The following TJP1 variants were observed in gnomAD, a reference collection of about 807,000 sequenced individuals.
TJP1 encodes the protein tight junction protein 1.
A neutral mutation model predicts 194.2 loss-of-function variants in TJP1; 43 were observed. The ratio of observed to expected loss-of-function variants is 0.22; its 90% CI spans 0.17 to 0.29. The LOEUF is 0.29. Ranked by LOEUF, TJP1 falls within the 10% of genes least tolerant of loss-of-function variation. TJP1 has a pLI of 1.00. For missense variants in TJP1, 1,971 were observed against 2,185.7 expected (o/e 0.90, Z 1.96); for synonymous variants, 801 against 779.0 (o/e 1.03, Z -0.47).
chr15:29,723,800 C>G (rs967985113), intron 18 of TJP1, among the ~76,000 whole-genome samples: 1 of 152,102 alleles, frequency 6.6e-6, no homozygotes, highest in African/African-American at 2.4e-5. Flanking sequence ...CTGAGTAGAT[C>G]AGAAAGAAAG....
chr15:29,826,711 T>A (rs745775286), upstream of TJP1, among the ~76,000 whole-genome samples: 2 of 152,082 alleles, frequency 1.3e-5, no homozygotes, highest in Non-Finnish European at 2.9e-5. Flanking sequence ...TTCAAGCGTC[T>A]TCTAGTGTTT....
intron 2 of TJP1, among the ~76,000 whole-genome samples, chr15:29,938,361 TAATA>T (rs1212111097): frequency 2.0e-5 from 3 of 152,216 alleles, no homozygotes; most frequent in Non-Finnish European, 4.4e-5. Flanking sequence ...GAAACAAAGT[TAATA>T]AATGCTTACA....
intron 2 of TJP1, among the ~76,000 whole-genome samples, chr15:29,951,431 G>A (rs1055661436): frequency 4.6e-5 from 7 of 152,018 alleles, no homozygotes; most frequent in African/African-American, 1.4e-4. Flanking sequence ...GCCTCCCAAA[G>A]TGCTGGGATT....
intron 2 of TJP1, among the ~76,000 whole-genome samples, chr15:29,870,688 T>C (rs1279638208): frequency 2.0e-5 from 3 of 152,272 alleles, no homozygotes; most frequent in African/African-American, 7.2e-5. Flanking sequence ...TGTGCCCTTA[T>C]CAATTCCTGT....
chr15:29,853,661 T>G (rs2051732403), intron 2 of TJP1, among the ~76,000 whole-genome samples: 1 of 152,166 alleles, frequency 6.6e-6, no homozygotes, highest in South Asian at 2.1e-4. Context: ...CTATAAAAAT[T>G]GAATGAGAGG....
At chr15:29,847,733 A>G (rs2051472256) in intron 2 of TJP1, among the ~76,000 whole-genome samples, 1 of 152,060 alleles carries the variant, frequency 6.6e-6, no homozygotes, top group Non-Finnish European at 1.5e-5. Context: ...TGCAGTGAGC[A>G]GAGATCGCGC....
intron 24 of TJP1, among the ~76,000 whole-genome samples, chr15:29,710,100 T>G (rs562216577): frequency 1.3e-4 from 20 of 151,544 alleles, no homozygotes; most frequent in South Asian, 6.3e-4. Flanking sequence ...GAGCTGAGAC[T>G]GCGCCACTGC....
intron 18 of TJP1, among the ~76,000 whole-genome samples, chr15:29,721,147 A>G (rs940746913): frequency 6.6e-6 from 1 of 152,244 alleles, no homozygotes; most frequent in African/African-American, 2.4e-5. Flanking sequence ...CAACAGTTCA[A>G]AAGTTGAATA....
intron 1 of TJP1, among the ~76,000 whole-genome samples, chr15:29,821,767 C>G (rs887637674): frequency 1.3e-5 from 2 of 150,694 alleles, no homozygotes; most frequent in Non-Finnish European, 3.0e-5. Flanking sequence ...GTACGGCGGC[C>G]GGGCGCCCGC....
At chr15:29,917,306 T>C (rs2054217925) in intron 2 of TJP1, among the ~76,000 whole-genome samples, 1 of 152,164 alleles carries the variant, frequency 6.6e-6, no homozygotes, top group Non-Finnish European at 1.5e-5. Context: ...TGTGAGTGGA[T>C]TCAAAAGATT....
chr15:29,738,112 T>C (rs900353092), intron 10 of TJP1, among the ~76,000 whole-genome samples: 6 of 152,166 alleles, frequency 3.9e-5, no homozygotes, highest in Non-Finnish European at 7.3e-5. Context: ...CAGTGTAGTG[T>C]TGAAACCTTG....
In TJP1 at chr15:29,701,483, A is replaced by G; in HGVS notation, c.*112T>C. 1.2e-6 allele frequency: 1 copy of G among 827,534 alleles called. No homozygotes were observed. The allele number at this position is 827,534 out of a possible 1,614,324, so 51.3% of individuals were successfully genotyped here. On this transcript the variant is annotated 3_prime_UTR_variant, in exon 28 of 28. Coordinates refer to ENST00000614355, the MANE Select transcript of TJP1 (RefSeq NM_001330239.4). ...TTATCAGTTCAAACAAATGCCTCAT[A>G]CTAACAAACTGTAGTATCAACTCTA...
At chr15:29,888,187 AT>A (rs1261997720) in intron 2 of TJP1, among the ~76,000 whole-genome samples, 7 of 152,194 alleles carry the variant, frequency 4.6e-5, no homozygotes, top group East Asian at 1.9e-4. Flanking sequence ...ATACAATTTT[AT>A]TTTTTAAATA....
intron 2 of TJP1, among the ~76,000 whole-genome samples, chr15:29,934,542 C>G (rs2054822772): frequency 2.6e-5 from 4 of 152,186 alleles, no homozygotes; most frequent in African/African-American, 9.7e-5. Context: ...CTTCTCAGCC[C>G]CACTTTGAAT....
chr15:29,732,339 A>C (rs2043719445), intron 15 of TJP1, 94 bp downstream of exon 15: 1 of 1,137,930 alleles, frequency 8.8e-7, no homozygotes, highest in Non-Finnish European at 1.3e-6. Context: ...TCACTGACAA[A>C]AAGTCTTATT....
intron 1 of TJP1, among the ~76,000 whole-genome samples, chr15:29,815,881 T>C (rs558674124): frequency 6.6e-6 from 1 of 152,260 alleles, no homozygotes; most frequent in Middle Eastern, 3.4e-3. Context: ...GTTTCCAGGA[T>C]TGGAGGGGAA....
At position 29,931,527 on chromosome 15, in the gene TJP1, A is replaced by G. The variant is rs149461842; in HGVS notation, c.306+24705T>C. Among the ~76,000 whole-genome samples, 239 of 152,314 alleles carry G rather than the reference A, an allele frequency of 1.6e-3. 1 individual carries two copies. Among genetic ancestry groups the G allele is most frequent in the African/African-American group, 5.6e-3 (233 of 41,570 alleles). On this transcript the variant is annotated intron_variant, in intron 2 of 28. Transcript: ENST00000356107. ...TATTAATTTTCCCCATTCTAATTCT[A>G]TATGTTCAATGTAATTCCAAACTCC... is the stretch of plus-strand genomic sequence containing the variant.
chr15:29,937,163 A>C (rs1056129056), intron 2 of TJP1, among the ~76,000 whole-genome samples: 3 of 152,234 alleles, frequency 2.0e-5, no homozygotes, highest in African/African-American at 7.2e-5. Flanking sequence ...TATTATACAC[A>C]ACATGAGAAG....
intron 2 of TJP1, among the ~76,000 whole-genome samples, chr15:29,872,306 T>A (rs2052554681): frequency 6.6e-6 from 1 of 152,228 alleles, no homozygotes; most frequent in Admixed American, 6.5e-5. Flanking sequence ...AGATTTGTCA[T>A]CTTATATTTC....
Sources: gnomAD v4.1 joint callset for allele counts (sites outside exome capture counted in the v4.1 genomes callset) on GRCh38, gnomAD v4.1.1 for gene constraint, MANE v1.5 for transcripts, NCBI Gene and HGNC (gene_info 2026-07-23, HGNC 2026-07-21) for gene names.